GEMIN2: variants seen among roughly 807,000 people sequenced by gnomAD.
GEMIN2 encodes gem nuclear organelle associated protein 2, also known as gem-associated protein 2.
In GEMIN2, 37 loss-of-function variants were observed where a neutral mutation model predicts 45.8. That is an observed-to-expected ratio of 0.81 (90% CI 0.62 to 1.06). GEMIN2 has a LOEUF of 1.06. Ranked by LOEUF, GEMIN2 falls within the 50% of genes least tolerant of loss-of-function variation. The pLI is 0.00. For synonymous variants in GEMIN2, 101 were observed against 111.5 expected (o/e 0.91, Z 0.60); for missense variants, 335 against 321.8 (o/e 1.04, Z -0.31).
Position 39,133,669 on chromosome 14 carries a change from A to G in GEMIN2, c.720A>G (p.Lys240=). ...TCTTTTTTTTTTTTTAGGATAGCAAAGATGATGAGAGGGTTCCTGCTTTGA... is the reference window on the plus strand; with the variant it reads ...TCTTTTTTTTTTTTTAGGATAGCAAGGATGATGAGAGGGTTCCTGCTTTGA... The part of the protein sequence containing the change: ...CSEVRLLVDS[K]DDERVPALNL... Residue 240 remains lysine (K), a synonymous_variant, in exon 9 of 10, where the codon AAA becomes AAG. Coordinates refer to ENST00000308317, the MANE Select transcript of GEMIN2 (RefSeq NM_003616.3). 1 of 1,499,926 alleles carries G rather than the reference A, an allele frequency of 6.7e-7. No homozygotes were observed. The highest frequency in any genetic ancestry group is 9.0e-7 in the Non-Finnish European group (1 of 1,107,086). 92.9% of individuals were successfully genotyped at this position (1,499,926 alleles called of 1,614,324 possible).
chr14:39,128,269 T>A lies in GEMIN2; in HGVS notation c.532-11T>A. 1 of 1,490,320 alleles carries A rather than the reference T, an allele frequency of 6.7e-7. No homozygotes were observed. The highest frequency in any genetic ancestry group is 9.2e-7 in the Non-Finnish European group (1 of 1,084,712). 92.3% of individuals were successfully genotyped at this position (1,490,320 alleles called of 1,614,324 possible). A position where few individuals can be genotyped will look rare whatever the true frequency, so the allele number is the denominator to read the frequency against. ...ATACAACTCTTCTCCACCCCCTCTT[T>A]TTTTTTTTAGGCAACAGTAACTAGT... On this transcript the variant is annotated splice_polypyrimidine_tract_variant and intron_variant, in intron 6 of 9. Transcript: ENST00000308317.
Position 39,118,033 on chromosome 14 carries a change from C to G in GEMIN2, c.257C>G (p.Ser86Cys). ...SGCQPAPEGY[S>C]PTLQWQQQQV... ...TGCCAACCCGCCCCTGAAGGTTATT[C>G]CCCAACACTTCAATGGCAACAGCAA... The change falls in exon 3 of 10, where the codon TCC (serine) becomes TGC (cysteine). Residue 86 changes from serine to cysteine, a missense_variant. Physicochemically the swap from Ser to Cys is moderately radical, Grantham distance 112. Transcript: ENST00000308317. The G allele has an allele frequency of 6.2e-7, 1 of 1,608,112 alleles. No homozygotes were observed. The highest frequency in any genetic ancestry group is 8.5e-7 in the Non-Finnish European group (1 of 1,175,842).
At chr14:39,118,463 C>A (rs2052536740) in intron 3 of GEMIN2, 77 bp from the exon 4 acceptor site, 2 of 764,688 alleles carry the variant, frequency 2.6e-6, no homozygotes, top group Non-Finnish European at 2.4e-6. Flanking sequence ...TAGATGGTTA[C>A]AATTTTGTGC....
chr14:39,122,530 T>A lies in GEMIN2; in HGVS notation c.473T>A (p.Ile158Lys), dbSNP rs375529355. Residue 158 changes from isoleucine to lysine, a missense_variant, in exon 5 of 10, where the codon ATA becomes AAA. Transcript: ENST00000308317. ...CCAGCCACAAATGAAAGTCCTGGAA[T>A]AGATTATGTACAAGTAAGGGCTGTG... ...VGPATNESPG[I>K]DYVQIGFPPL... 7.1e-6 allele frequency: 11 copies of A among 1,547,896 alleles called. No individual in the cohort carries two copies. The highest frequency in any genetic ancestry group is 8.9e-6 in the Non-Finnish European group (10 of 1,122,120).
intron 4 of GEMIN2, among the ~76,000 whole-genome samples, chr14:39,121,538 T>C (rs2052572827): frequency 6.6e-6 from 1 of 152,032 alleles, no homozygotes; most frequent in Non-Finnish European, 1.5e-5. Context: ...TCTCAAAAAA[T>C]GTAATAATAA....
At chr14:39,114,996 C>A in intron 2 of GEMIN2, 83 bp downstream of exon 2, 1 of 731,130 alleles carries the variant, frequency 1.4e-6, no homozygotes, top group South Asian at 1.5e-5. Flanking sequence ...CTGACAGCAT[C>A]AATTATGACG....
chr14:39,136,340 C>T, intron 9 of GEMIN2, 100 bp from the exon 10 acceptor site: 1 of 696,390 alleles, frequency 1.4e-6, no homozygotes, highest in Non-Finnish European at 2.6e-6. Context: ...TAACCAGTTT[C>T]TTATTGATGG....
At chr14:39,114,774 A>C in intron 1 of GEMIN2, 55 bp from the exon 2 acceptor site, 1 of 1,010,296 alleles carries the variant, frequency 9.9e-7, no homozygotes, top group South Asian at 1.3e-5. Flanking sequence ...GTTTTACTAC[A>C]CCTGAGCAAA....
chr14:39,119,984 A>T (rs1359351838), intron 4 of GEMIN2, among the ~76,000 whole-genome samples: 1 of 152,208 alleles, frequency 6.6e-6, no homozygotes, highest in East Asian at 1.9e-4. Context: ...GTATGTATGT[A>T]GTAGGGACAG....
chr14:39,124,841 G>T (rs908570988), intron 5 of GEMIN2, 151 bp from the exon 6 acceptor site: 17 of 552,402 alleles, frequency 3.1e-5, no homozygotes, highest in Non-Finnish European at 3.9e-5. Context: ...GTAGTTTCCG[G>T]AATGTCTCAT....
intron 8 of GEMIN2, among the ~76,000 whole-genome samples, chr14:39,132,463 G>A (rs576716683): frequency 1.7e-4 from 26 of 152,020 alleles, no homozygotes; most frequent in African/African-American, 5.8e-4. Context: ...CCCAGGAGGC[G>A]GAGGTTGCAG....
intron 8 of GEMIN2, among the ~76,000 whole-genome samples, chr14:39,132,975 GGTGTGT>G (rs67749459): frequency 0.018 from 2,527 of 140,274 alleles, 47 homozygotes; most frequent in Non-Finnish European, 0.028. Flanking sequence ...TACTGCACCT[GGTGTGT>G]GTGTGTGTGT....
chr14:39,133,006 A>G (rs1418057291), intron 8 of GEMIN2, among the ~76,000 whole-genome samples: 23 of 116,590 alleles, frequency 2.0e-4, no homozygotes, highest in African/African-American at 7.6e-4. Flanking sequence ...GTGTGTATAT[A>G]TATGTGTGTG....
intron 6 of GEMIN2, 50 bp from the exon 7 acceptor site, chr14:39,128,230 A>C (rs1383133795): frequency 3.0e-6 from 3 of 987,574 alleles, no homozygotes; most frequent in Non-Finnish European, 4.7e-6. Flanking sequence ...TGTTGAATTC[A>C]TGTTTTATTA....
intron 7 of GEMIN2, among the ~76,000 whole-genome samples, chr14:39,131,245 C>T (rs1037520485): frequency 5.9e-5 from 9 of 152,076 alleles, no homozygotes; most frequent in Admixed American, 2.6e-4. Flanking sequence ...TGCAGTGAGC[C>T]GAGATCGCGC....
chr14:39,122,338 G>A lies in GEMIN2; in HGVS notation c.373-92G>A, dbSNP rs2052583146. ...CTCCGTATCTTTGGGTTGCGGTAAT[G>A]GGAATATGGAAGGACTTAACTTCTT... On this transcript the variant is annotated intron_variant, in intron 4 of 9. Transcript: ENST00000308317. 3.2e-5 allele frequency: 21 copies of A among 654,000 alleles called. No individual in the cohort carries two copies. In the South Asian group the frequency reaches 4.2e-4, roughly 13 times the overall value. 40.5% of individuals were successfully genotyped at this position (654,000 alleles called of 1,614,324 possible).
chr14:39,129,933 T>TG (rs1491233941), intron 7 of GEMIN2, among the ~76,000 whole-genome samples: 5,893 of 133,586 alleles, frequency 0.044, 167 homozygotes, highest in Non-Finnish European at 0.052. Flanking sequence ...CAGACAAGTT[T>TG]GTTTTTTTTT....
In GEMIN2 at chr14:39,115,560, G is replaced by A. The variant is rs1243172143; in HGVS notation, c.222+647G>A. 7.3e-5 allele frequency among the ~76,000 whole-genome samples: 11 copies of A among 150,122 alleles called. No homozygotes were observed. In the Admixed American group the frequency reaches 7.4e-4, roughly 10 times the overall value. On this transcript the variant is annotated intron_variant, in intron 2 of 9. Coordinates refer to ENST00000308317, the MANE Select transcript of GEMIN2 (RefSeq NM_003616.3). ...CAACCTCTGCCTTCCGGTTTCAAGCGATTACCGTGCCTCAGCCTCCCGAGT... is the reference window on the plus strand; with the variant it reads ...CAACCTCTGCCTTCCGGTTTCAAGCAATTACCGTGCCTCAGCCTCCCGAGT...
chr14:39,118,265 T>C (rs2139334081), intron 3 of GEMIN2, among the ~76,000 whole-genome samples, 177 bp downstream of exon 3: 1 of 152,346 alleles, frequency 6.6e-6, no homozygotes, highest in Admixed American at 6.5e-5. Context: ...TAAGTTTTGT[T>C]TATTTTTATT....
Sources: allele counts gnomAD v4.1 joint callset (sites outside exome capture counted in the v4.1 genomes callset), GRCh38; gene constraint gnomAD v4.1.1; transcripts MANE v1.5; gene names NCBI Gene and HGNC (gene_info 2026-07-23, HGNC 2026-07-21).